The following NAT16 variants were observed in gnomAD, a reference collection of about 807,000 sequenced individuals.
NAT16 encodes N-acetyltransferase 16 (putative).
NAT16 carries 16 observed loss-of-function variants against 15.9 expected under a neutral mutation model. The ratio of observed to expected loss-of-function variants is 1.01; its 90% CI spans 0.68 to 1.53. NAT16 has a LOEUF of 1.53. Among genes scored for constraint, NAT16 ranks in the 40% most tolerant of loss-of-function variants. NAT16 has a pLI of 0.00. For synonymous variants in NAT16, 260 were observed against 241.9 expected, an observed-to-expected ratio of 1.07 and a Z score of -0.69; for missense variants, 572 against 508.4, an observed-to-expected ratio of 1.13 and a Z score of -1.20.
rs546639831 is a variant in NAT16, at chr7:101,177,885, C to T, written c.-5+2157G>A. Among the ~76,000 whole-genome samples the T allele has an allele frequency of 1.8e-3, 269 of 152,304 alleles. 1 individual carries two copies. The highest frequency in any genetic ancestry group is 3.0e-3 in the Non-Finnish European group (202 of 68,020). ...CCCAAGCCCCAGACCTCTTGCACCA[C>T]GCTCTGAGGACAATGGGTCCCAGAG... is the stretch of plus-strand genomic sequence containing the variant. On this transcript the variant is annotated intron_variant, in intron 1 of 3. Transcript: ENST00000300303.
At chr7:101,179,877 CA>C (rs1797554679) in intron 1 of NAT16, among the ~76,000 whole-genome samples, 164 bp downstream of exon 1, 1 of 152,064 alleles carries the variant, frequency 6.6e-6, no homozygotes, top group African/African-American at 2.4e-5. Flanking sequence ...ACCTGAAGCG[CA>C]GCCTCTGACT....
intron 2 of NAT16, 175 bp downstream of exon 2, chr7:101,174,320 AC>A: frequency 1.2e-6 from 1 of 803,450 alleles, no homozygotes; most frequent in South Asian, 1.9e-5. Context: ...CCCCACCCTC[AC>A]TGACATAGCC....
intron 1 of NAT16, among the ~76,000 whole-genome samples, chr7:101,175,017 C>T (rs1797436346): frequency 6.6e-6 from 1 of 152,096 alleles, no homozygotes; most frequent in Non-Finnish European, 1.5e-5. Flanking sequence ...TGCAGTGGCG[C>T]GATCTCGGCT....
intron 3 of NAT16, 124 bp downstream of exon 3, chr7:101,173,172 A>C: frequency 5.6e-6 from 5 of 889,676 alleles, no homozygotes; most frequent in Non-Finnish European, 9.1e-6. Context: ...GGCAAGGCTC[A>C]TGGGCCGCGC....
In NAT16 at chr7:101,172,083, A is replaced by G; in HGVS notation, c.1106T>C (p.Ile369Thr). ...CTCCCCGCCAGAGGAGAGGCCTCAG[A>G]TGTCGGCCTCCAGCAGGTACTGTTC... ...YTEQYLLEADI is the reference protein window; with the variant it reads ...YTEQYLLEADT The change falls in exon 4 of 4, where the codon ATC becomes ACC. Residue 369 changes from isoleucine to threonine, a missense_variant. Transcript: ENST00000300303. This position sits in a 1 kb window ranked among gnomAD's most constrained non-coding sequence, Gnocchi z 4.2. 2 of 1,604,994 alleles carry G rather than the reference A, an allele frequency of 1.2e-6. No individual in the cohort carries two copies. Among genetic ancestry groups the G allele is most frequent in the Non-Finnish European group, 1.7e-6 (2 of 1,173,300 alleles).
chr7:101,175,143 C>T (rs548778422), intron 1 of NAT16, among the ~76,000 whole-genome samples: 1 of 151,942 alleles, frequency 6.6e-6, no homozygotes, highest in African/African-American at 2.4e-5. Context: ...TTAGTAGAGA[C>T]GGAGCTTCAC....
Position 101,173,653 on chromosome 7 carries a change from G to T in NAT16, c.313-133C>A, listed in dbSNP as rs1013712561. ...ACCCGGGCACCAGGCCAGGCCTGGG[G>T]TAGCACGGCACTTGGGCCTCAGATT... On this transcript the variant is annotated intron_variant, in intron 2 of 3. Transcript: ENST00000300303. The T allele has an allele frequency of 6.0e-5, 46 of 764,904 alleles. No individual in the cohort carries two copies. In the Middle Eastern group the frequency reaches 1.2e-3, roughly 20 times the overall value. The allele number at this position is 764,904 out of a possible 1,614,324, so 47.4% of individuals were successfully genotyped here.
chr7:101,179,228 G>A (rs987857769), intron 1 of NAT16: 3 of 152,258 alleles, frequency 2.0e-5, no homozygotes, highest in Non-Finnish European at 4.4e-5. Context: ...CCAAAGATGA[G>A]AGCGAAAAGG....
At position 101,174,695 on chromosome 7, in the gene NAT16, G is replaced by A. The variant is rs1445725552; in HGVS notation, c.113C>T (p.Ala38Val). ...AGGCCCCGATCCCGACCTGGGCTCG[G>A]CCTCCACCTCCTGTGGCCGGGTTTC... ...SSETRPQEVE[A>V]EPRSGSGPEA... Residue 38 changes from alanine (A) to valine (V), a missense_variant, in exon 2 of 4, where the codon GCC (alanine) becomes GTC (valine). By Grantham distance (64) the Ala-to-Val change is moderately conservative (BLOSUM62 0). Transcript: ENST00000300303. 1 of 1,613,590 alleles carries A rather than the reference G, an allele frequency of 6.2e-7. No individual in the cohort carries two copies. Among genetic ancestry groups the A allele is most frequent in the East Asian group, 2.2e-5 (1 of 44,864 alleles).
Position 101,173,465 on chromosome 7 carries a change from C to T in NAT16, c.368G>A (p.Gly123Glu), listed in dbSNP as rs780362510. The change falls in exon 3 of 4, where the codon GGG becomes GAG. Residue 123 changes from glycine (G) to glutamate (E), a missense_variant. Physicochemically the swap from Gly to Glu is moderately conservative, Grantham distance 98. Transcript: ENST00000300303. ...GCGCTCCCAGGGCGCCACGCGCAGC[C>T]CCTCCACCAGCACCGTCTCCCCGGC... ...IDAGETVLVE[G>E]LRVAPWERGK... is the part of the protein sequence containing the mutation. 1 of 1,611,594 alleles carries T rather than the reference C, an allele frequency of 6.2e-7. No individual in the cohort carries two copies. Among genetic ancestry groups the T allele is most frequent in the Non-Finnish European group, 8.5e-7 (1 of 1,178,818 alleles).
chr7:101,172,801 G>A lies in NAT16; in HGVS notation c.538-150C>T, dbSNP rs930769952. The A allele has an allele frequency of 1.4e-5, 9 of 645,732 alleles. No homozygotes were observed. The highest frequency in any genetic ancestry group is 4.3e-4 in the Middle Eastern group (1 of 2,326). The allele number at this position is 645,732 out of a possible 1,614,324, so 40.0% of individuals were successfully genotyped here. A position where few individuals can be genotyped will look rare whatever the true frequency, so the allele number is the denominator to read the frequency against. On this transcript the variant is annotated intron_variant, in intron 3 of 3. Coordinates refer to ENST00000300303, the MANE Select transcript of NAT16 (RefSeq NM_198571.3). The surrounding 1 kb of genome is among the most constrained non-coding windows in gnomAD (Gnocchi z 4.2). ...GGAGCGACCGTGAGGGCTCCGGGCC[G>A]AGTGGGGTATGGGAAAGCCTGGGTT...
intron 2 of NAT16, 42 bp from the exon 3 acceptor site, chr7:101,173,562 G>C (rs775884669): frequency 6.7e-7 from 1 of 1,482,624 alleles, no homozygotes; most frequent in Non-Finnish European, 9.0e-7. Flanking sequence ...CCCCGCCTGC[G>C]CCCCTGCCAG....
intron 1 of NAT16, among the ~76,000 whole-genome samples, chr7:101,179,558 T>G (rs1274440863): frequency 8.3e-6 from 1 of 120,190 alleles, no homozygotes. Flanking sequence ...GGAGAGGCGA[T>G]GAAGTGGGGG....
intron 1 of NAT16, 112 bp from the exon 2 acceptor site, chr7:101,174,923 T>G: frequency 1.6e-6 from 2 of 1,227,876 alleles, no homozygotes; most frequent in Non-Finnish European, 2.1e-6. Flanking sequence ...CCTTTCTTTT[T>G]CTTTTCTTTT....
At chr7:101,178,071 C>G (rs1163460129) in intron 1 of NAT16, among the ~76,000 whole-genome samples, 2 of 152,206 alleles carry the variant, frequency 1.3e-5, no homozygotes, top group Admixed American at 6.5e-5. Flanking sequence ...AGACTGGAAC[C>G]CACCTGACTC....
chr7:101,178,276 C>T (rs56307550), intron 1 of NAT16, among the ~76,000 whole-genome samples: 1 of 152,178 alleles, frequency 6.6e-6, no homozygotes, highest in Admixed American at 6.5e-5. Context: ...GGCACCACCT[C>T]TACCCCTGTT....
rs1276095841 is a variant in NAT16, at chr7:101,172,529, G to T, written c.660C>A (p.Gly220=). Residue 220 remains glycine, a synonymous_variant, in exon 4 of 4, where the codon GGC becomes GGA. Coordinates refer to ENST00000300303, the MANE Select transcript of NAT16 (RefSeq NM_198571.3). The surrounding 1 kb of genome is among the most constrained non-coding windows in gnomAD (Gnocchi z 4.2). The stretch of plus-strand genomic sequence containing the variant: ...ACAGCAGGAGGCGTGCCACGTCGCC[G>T]CCTGCCTCGGACACGGCCTCGGTGG... ...PLPTEAVSEA[G]GDVARLLLSP... is the part of the protein sequence containing the mutation. 6.4e-7 allele frequency: 1 copy of T among 1,573,596 alleles called. No individual in the cohort carries two copies.
Position 101,174,604 on chromosome 7 carries a change from G to T in NAT16, c.204C>A (p.Ala68=), listed in dbSNP as rs527429481. 2 of 1,614,182 alleles carry T rather than the reference G, an allele frequency of 1.2e-6. No homozygotes were observed. The highest frequency in any genetic ancestry group is 1.7e-6 in the Non-Finnish European group (2 of 1,180,038). ...GGCCGCCGTAGATGCCCCCCGAGATGGCCAGCACTTCCTCAAACTCCCGTT... is the reference window on the plus strand; with the variant it reads ...GGCCGCCGTAGATGCCCCCCGAGATTGCCAGCACTTCCTCAAACTCCCGTT... ...ATEREFEEVL[A]ISGGIYGGLD... is the part of the protein sequence containing the mutation. The change falls in exon 2 of 4, where the codon GCC becomes GCA. Residue 68 remains alanine (A), a synonymous_variant. Coordinates refer to ENST00000300303, the MANE Select transcript of NAT16 (RefSeq NM_198571.3).
At chr7:101,179,473 T>G (rs1584226546) in intron 1 of NAT16, among the ~76,000 whole-genome samples, 1 of 124,858 alleles carries the variant, frequency 8.0e-6, no homozygotes, top group African/African-American at 3.1e-5. Context: ...CGGGGATCCG[T>G]GGAGGGGAAG....
Sources: allele counts gnomAD v4.1 joint callset (sites outside exome capture counted in the v4.1 genomes callset), GRCh38; gene constraint gnomAD v4.1.1; non-coding constraint Gnocchi (gnomAD v3.1); transcripts MANE v1.5; gene names NCBI Gene and HGNC (gene_info 2026-07-23, HGNC 2026-07-21).